Variants in ADAMTSL1 observed in about 807,000 individuals in gnomAD.
ADAMTSL1 encodes ADAMTS like 1, also known as ADAMTS-like protein 1.
Under a neutral mutation model 201.8 loss-of-function variants are expected in ADAMTSL1, and 126 were observed. The observed-to-expected ratio is 0.62, with a 90% CI of 0.54 to 0.72. ADAMTSL1 has a LOEUF of 0.72. ADAMTSL1 is among the 30% of genes least tolerant of loss of function. The probability of loss-of-function intolerance (pLI) is 0.00; values close to 1 mark genes in which losing one functional copy is unlikely to be tolerated. For missense variants in ADAMTSL1, 2,679 were observed against 2,277.8 expected (o/e 1.18, Z -3.59); for synonymous variants, 1,121 against 903.4 (o/e 1.24, Z -4.32).
chr9:18,312,834 A>C (rs988305090), intron 2 of ADAMTSL1, among the ~76,000 whole-genome samples: 10 of 152,216 alleles, frequency 6.6e-5, no homozygotes, highest in Non-Finnish European at 1.5e-4. Context: ...CTTAGACTCT[A>C]GTGGAAAGAG....
chr9:18,081,004 C>T (rs1275104933), intron 1 of ADAMTSL1, among the ~76,000 whole-genome samples: 2 of 152,136 alleles, frequency 1.3e-5, no homozygotes, highest in Non-Finnish European at 2.9e-5. Flanking sequence ...TGATACAATG[C>T]CAACATTTAA....
At chr9:18,008,018 A>C (rs1819900092) in intron 1 of ADAMTSL1, among the ~76,000 whole-genome samples, 1 of 152,046 alleles carries the variant, frequency 6.6e-6, no homozygotes, top group African/African-American at 2.4e-5. Flanking sequence ...AAATTCAAAG[A>C]AACATATTTT....
chr9:18,651,831 A>T (rs932888020), intron 7 of ADAMTSL1, among the ~76,000 whole-genome samples: 1 of 152,146 alleles, frequency 6.6e-6, no homozygotes, highest in Admixed American at 6.6e-5. Context: ...ACTTGCTTTT[A>T]TTATAAGAGG....
At chr9:18,293,233 C>T (rs1318703367) in intron 2 of ADAMTSL1, among the ~76,000 whole-genome samples, 1 of 152,170 alleles carries the variant, frequency 6.6e-6, no homozygotes, top group Non-Finnish European at 1.5e-5. Flanking sequence ...CATGCAAATG[C>T]TTGTGTCTTT....
intron 23 of ADAMTSL1, among the ~76,000 whole-genome samples, chr9:18,885,307 GA>G (rs1374689754): frequency 3.9e-5 from 6 of 152,186 alleles, no homozygotes; most frequent in African/African-American, 7.2e-5. Flanking sequence ...CATGAGGACA[GA>G]GCCCTCATGG....
chr9:18,553,846 T>C (rs535366721), intron 3 of ADAMTSL1, among the ~76,000 whole-genome samples: 24 of 152,008 alleles, frequency 1.6e-4, no homozygotes, highest in Admixed American at 9.9e-4. Context: ...TATTTATTGT[T>C]GGTGTTCAGT....
intron 1 of ADAMTSL1, among the ~76,000 whole-genome samples, chr9:17,908,611 G>A (rs200213623): frequency 1.3e-5 from 2 of 151,934 alleles, no homozygotes; most frequent in East Asian, 1.9e-4. Context: ...CATTTGCCAC[G>A]ACGCCTGGCT....
chr9:18,002,972 A>C (rs1334253353), intron 1 of ADAMTSL1, among the ~76,000 whole-genome samples: 3 of 152,028 alleles, frequency 2.0e-5, no homozygotes, highest in Admixed American at 1.3e-4. Context: ...GCATCTGTTT[A>C]CCAATACTCT....
intron 24 of ADAMTSL1, among the ~76,000 whole-genome samples, chr9:18,889,364 G>C (rs968206843): frequency 2.0e-5 from 3 of 152,110 alleles, no homozygotes; most frequent in Non-Finnish European, 4.4e-5. Context: ...TCATTTCATG[G>C]CTGAGGCCCC....
At chr9:18,420,060 G>A (rs1818872221) in intron 2 of ADAMTSL1, among the ~76,000 whole-genome samples, 1 of 152,156 alleles carries the variant, frequency 6.6e-6, no homozygotes, top group East Asian at 1.9e-4. Flanking sequence ...AAATTGCAGT[G>A]TTGTATTAGG....
chr9:18,717,839 A>G, intron 14 of ADAMTSL1: 1 of 688,072 alleles, frequency 1.5e-6, no homozygotes, highest in Non-Finnish European at 2.6e-6. Flanking sequence ...TAGCTTTCAT[A>G]TGCTCTTAAA....
chr9:18,720,414 C>T (rs756396467), intron 14 of ADAMTSL1, among the ~76,000 whole-genome samples: 4 of 152,164 alleles, frequency 2.6e-5, no homozygotes, highest in African/African-American at 9.7e-5. Context: ...AATGGGCATC[C>T]TGTATATGTT....
chr9:18,815,477 C>G (rs530685119), intron 20 of ADAMTSL1, among the ~76,000 whole-genome samples: 1 of 151,166 alleles, frequency 6.6e-6, no homozygotes, highest in African/African-American at 2.4e-5. Flanking sequence ...TTGAGCCCAG[C>G]CAGGAGTTTG....
At position 18,329,492 on chromosome 9, in the gene ADAMTSL1, A is replaced by G. The variant is rs372739708; in HGVS notation, c.207+165511A>G. On this transcript the variant is annotated intron_variant, in intron 2 of 29. Coordinates refer to the ADAMTSL1 transcript ENST00000680146. ...AGTCCTCCAAAACGTGTCCACTACA[A>G]GAATGTTAAATTTATACTTTTAAAT... Among the ~76,000 whole-genome samples, 7 of 152,324 alleles carry G rather than the reference A, an allele frequency of 4.6e-5. No homozygotes were observed. In the East Asian group the frequency reaches 7.7e-4, roughly 17 times the overall value.
intron 2 of ADAMTSL1, among the ~76,000 whole-genome samples, chr9:18,318,749 G>T (rs1586886785): frequency 2.0e-5 from 3 of 151,978 alleles, no homozygotes; most frequent in Admixed American, 2.0e-4. Flanking sequence ...TATGGTTTTA[G>T]GCCATACTTT....
At chr9:18,603,356 CT>C (rs1824788403) in intron 4 of ADAMTSL1, among the ~76,000 whole-genome samples, 1 of 113,174 alleles carries the variant, frequency 8.8e-6, no homozygotes, top group Non-Finnish European at 2.0e-5. Context: ...CTATGCTATG[CT>C]ATGCTATGCT....
intron 4 of ADAMTSL1, among the ~76,000 whole-genome samples, chr9:18,586,008 A>G (rs968963046): frequency 1.3e-5 from 2 of 152,206 alleles, no homozygotes; most frequent in Non-Finnish European, 2.9e-5. Context: ...AAGCCAGAAA[A>G]TTCCCTTTTA....
intron 28 of ADAMTSL1, chr9:18,907,117 G>A: frequency 1.7e-6 from 1 of 592,436 alleles, no homozygotes; most frequent in Non-Finnish European, 2.9e-6. Context: ...TGCCCCAAGG[G>A]CTTCCATGAT....
chr9:18,136,626 A>T (rs571194320), intron 1 of ADAMTSL1, among the ~76,000 whole-genome samples: 3 of 152,060 alleles, frequency 2.0e-5, no homozygotes, highest in Non-Finnish European at 4.4e-5. Flanking sequence ...GATAAGATTT[A>T]TGTGGAACAT....
Sources: gnomAD v4.1 joint callset for allele counts (sites outside exome capture counted in the v4.1 genomes callset) on GRCh38, gnomAD v4.1.1 for gene constraint, MANE v1.5 for transcripts, NCBI Gene and HGNC (gene_info 2026-07-23, HGNC 2026-07-21) for gene names.